Variants in MYO3B observed in about 807,000 individuals in gnomAD.
The protein encoded by MYO3B is myosin-IIIb.
In MYO3B, 156 loss-of-function variants were observed where a neutral mutation model predicts 174.6. The observed-to-expected ratio is 0.89, with a 90% CI of 0.78 to 1.02. MYO3B has a LOEUF of 1.02. Among genes scored for constraint, MYO3B ranks in the 50% least tolerant of loss-of-function variants. MYO3B has a pLI of 0.00. For synonymous variants in MYO3B, 563 were observed against 569.1 expected (o/e 0.99, Z 0.15); for missense variants, 1,632 against 1,639.4 (o/e 1.00, Z 0.08).
chr2:170,236,545 A>C (rs2093072811), intron 7 of MYO3B, among the ~76,000 whole-genome samples: 1 of 152,244 alleles, frequency 6.6e-6, no homozygotes, highest in Admixed American at 6.5e-5. Context: ...TCAGACTAGC[A>C]TTGAAATGTA....
chr2:170,563,773 A>G (rs1405155838), intron 32 of MYO3B, among the ~76,000 whole-genome samples: 1 of 152,222 alleles, frequency 6.6e-6, no homozygotes, highest in Non-Finnish European at 1.5e-5. Context: ...TCATAGTCCC[A>G]AGAACATGAA....
At chr2:170,352,031 C>T (rs11903535) in intron 8 of MYO3B, among the ~76,000 whole-genome samples, 2,606 of 152,296 alleles carry the variant, frequency 0.017, 66 homozygotes, top group Middle Eastern at 0.054. Flanking sequence ...CGGCTCACTG[C>T]AACCTCCGCC....
chr2:170,200,013 G>T, intron 2 of MYO3B, 137 bp from the exon 3 acceptor site: 1 of 664,892 alleles, frequency 1.5e-6, no homozygotes, highest in East Asian at 3.1e-5. Flanking sequence ...TCCATTGTTA[G>T]ATATTTTGAA....
intron 7 of MYO3B, among the ~76,000 whole-genome samples, chr2:170,280,431 T>C (rs2093499485): frequency 6.6e-6 from 1 of 152,204 alleles, no homozygotes; most frequent in East Asian, 1.9e-4. Flanking sequence ...ACTCTGCTGA[T>C]AGTTTCTTTT....
intron 7 of MYO3B, among the ~76,000 whole-genome samples, chr2:170,237,083 A>T (rs2093078517): frequency 6.6e-6 from 1 of 152,230 alleles, no homozygotes; most frequent in African/African-American, 2.4e-5. Flanking sequence ...ACTATTCCAA[A>T]AATGATTCCC....
Position 170,651,635 on chromosome 2 carries a change from A to T in MYO3B, c.3741A>T (p.Glu1247Asp). 1 of 1,614,116 alleles carries T rather than the reference A, an allele frequency of 6.2e-7. No individual in the cohort carries two copies. Among genetic ancestry groups the T allele is most frequent in the Non-Finnish European group, 8.5e-7 (1 of 1,180,008 alleles). Residue 1247 changes from glutamate (E) to aspartate (D), a missense_variant, in exon 33 of 35, where the codon GAA becomes GAT. Transcript: ENST00000408978. The part of the protein sequence containing the change: ...LWGAPQKPGS[E>D]NGLAQKHRTP... ...GTTTTGCTCTTTTTTCAGGTTCAGA[A>T]AATGGTCTTGCACAGAAGCATCGAA...
At chr2:170,214,184 T>TA (rs143738652) in intron 3 of MYO3B, among the ~76,000 whole-genome samples, 195 bp from the exon 4 acceptor site, 1 of 152,164 alleles carries the variant, frequency 6.6e-6, no homozygotes, top group Non-Finnish European at 1.5e-5. Context: ...TCACCTCAAA[T>TA]AAAAAATACA....
chr2:170,239,777 C>CACCT (rs1343785553), intron 7 of MYO3B, among the ~76,000 whole-genome samples: 1 of 152,212 alleles, frequency 6.6e-6, no homozygotes, highest in Non-Finnish European at 1.5e-5. Flanking sequence ...GTTCCAAAGT[C>CACCT]ACCTGGACCC....
rs80194434 is a variant in MYO3B, at chr2:170,416,623, C to CT, written c.2650+8797dup. 4.2e-3 allele frequency among the ~76,000 whole-genome samples: 587 copies of CT among 139,856 alleles called. 3 individuals are homozygous for CT. The highest frequency in any genetic ancestry group is 6.3e-3 in the African/African-American group (241 of 37,968). 91.8% of individuals were successfully genotyped at this position (139,856 alleles called of 152,430 possible). The stretch of plus-strand genomic sequence containing the variant: ...CACACCTAGAATAAAATCCAAACTC[C>CT]TTTTTTTTTTTTTTTTTTGTACACA... On this transcript the variant is annotated intron_variant, in intron 22 of 34. Transcript: ENST00000408978.
intron 32 of MYO3B, among the ~76,000 whole-genome samples, chr2:170,647,744 T>C (rs1325774238): frequency 6.6e-6 from 1 of 151,984 alleles, no homozygotes; most frequent in Non-Finnish European, 1.5e-5. Context: ...TAATTCCTTA[T>C]AAGAATCAGG....
In MYO3B at chr2:170,199,283, C is replaced by T. The variant is rs1253250600; in HGVS notation, c.78C>T (p.Thr26=). Residue 26 remains threonine, a synonymous_variant, in exon 2 of 35, where the codon ACC becomes ACT. Transcript: ENST00000408978. ...AATCACTTCCAGATCCCACAGACAC[C>T]TGGGAAATTATAGAGACCATTGGTA... ...GLESLPDPTD[T]WEIIETIGKG... is the part of the protein sequence containing the mutation. The T allele has an allele frequency of 1.2e-6, 2 of 1,613,262 alleles. No homozygotes were observed. The highest frequency in any genetic ancestry group is 1.3e-5 in the African/African-American group (1 of 74,848).
At chr2:170,574,753 A>G (rs1692681999) in intron 32 of MYO3B, among the ~76,000 whole-genome samples, 1 of 152,204 alleles carries the variant, frequency 6.6e-6, no homozygotes, top group East Asian at 1.9e-4. Context: ...TTGTGCCTTA[A>G]CAGTTAACAA....
At chr2:170,352,803 T>C (rs1380478437) in intron 8 of MYO3B, among the ~76,000 whole-genome samples, 2 of 152,328 alleles carry the variant, frequency 1.3e-5, no homozygotes, top group South Asian at 4.1e-4. Flanking sequence ...TTCCTCATAG[T>C]CTTCCTACTG....
intron 15 of MYO3B, 44 bp downstream of exon 15, chr2:170,391,662 G>C: frequency 8.9e-7 from 1 of 1,128,408 alleles, no homozygotes; most frequent in Admixed American, 2.4e-5. Context: ...ATGAATGTAC[G>C]ATTAGCAGTT....
At chr2:170,443,557 G>A (rs2094818234) in intron 22 of MYO3B, among the ~76,000 whole-genome samples, 1 of 152,064 alleles carries the variant, frequency 6.6e-6, no homozygotes, top group Non-Finnish European at 1.5e-5. Flanking sequence ...TAGTCATGAA[G>A]TCCTTGCCCA....
At chr2:170,382,198 C>G in intron 10 of MYO3B, 86 bp downstream of exon 10, 1 of 1,087,330 alleles carries the variant, frequency 9.2e-7, no homozygotes, top group South Asian at 1.4e-5. Flanking sequence ...CCATGTCCTC[C>G]TAAGGTCATT....
At chr2:170,578,454 C>G (rs1692931021) in intron 32 of MYO3B, among the ~76,000 whole-genome samples, 1 of 152,222 alleles carries the variant, frequency 6.6e-6, no homozygotes, top group South Asian at 2.1e-4. Context: ...TTTAAACAAA[C>G]CATATCAAAA....
intron 25 of MYO3B, among the ~76,000 whole-genome samples, chr2:170,470,718 A>T (rs1684931814): frequency 6.6e-6 from 1 of 152,178 alleles, no homozygotes; most frequent in Non-Finnish European, 1.5e-5. Context: ...CAATTTTTCC[A>T]CATCGTCTCC....
At chr2:170,227,354 G>C (rs1486030601) in intron 6 of MYO3B, among the ~76,000 whole-genome samples, 1 of 152,164 alleles carries the variant, frequency 6.6e-6, no homozygotes, top group East Asian at 1.9e-4. Context: ...GTGTGATTTT[G>C]GCTCACTGCG....
Sources: gnomAD v4.1 joint callset for allele counts (sites outside exome capture counted in the v4.1 genomes callset) on GRCh38, gnomAD v4.1.1 for gene constraint, MANE v1.5 for transcripts, NCBI Gene and HGNC (gene_info 2026-07-23, HGNC 2026-07-21) for gene names.